The following ACOXL variants were observed in gnomAD, a reference collection of about 807,000 sequenced individuals.
The protein encoded by ACOXL is acyl-CoA oxidase like.
ACOXL carries 70 observed loss-of-function variants against 71.9 expected under a neutral mutation model. The ratio of observed to expected loss-of-function variants is 0.97; its 90% confidence interval spans 0.80 to 1.19. ACOXL has a LOEUF of 1.19. Ranked by LOEUF, ACOXL falls within the 50% of genes most tolerant of loss-of-function variation. The probability of loss-of-function intolerance (pLI) is 0.00; values close to 1 mark genes in which losing one functional copy is unlikely to be tolerated. For missense variants in ACOXL, 703 were observed against 736.3 expected (o/e 0.95, Z 0.52); for synonymous variants, 253 against 281.6 (o/e 0.90, Z 1.02).
chr2:110,844,423 C>T (rs1325447275), intron 10 of ACOXL, among the ~76,000 whole-genome samples: 2 of 152,126 alleles, frequency 1.3e-5, no homozygotes, highest in Non-Finnish European at 2.9e-5. Context: ...TGACACTTCA[C>T]GAGGTGTCTC....
At chr2:110,779,826 C>T (rs1292557544) in intron 2 of ACOXL, among the ~76,000 whole-genome samples, 1 of 152,142 alleles carries the variant, frequency 6.6e-6, no homozygotes, top group African/African-American at 2.4e-5. Context: ...CATTAGATGC[C>T]TAAACAGAGA....
intron 16 of ACOXL, among the ~76,000 whole-genome samples, chr2:111,092,185 G>A (rs2068559287): frequency 1.3e-5 from 2 of 152,130 alleles, no homozygotes; most frequent in Non-Finnish European, 2.9e-5. Flanking sequence ...AGTGGATATG[G>A]GTGATGGAGA....
At chr2:110,963,683 T>C in intron 12 of ACOXL, 1 of 1,614,044 alleles carries the variant, frequency 6.2e-7, no homozygotes, top group Non-Finnish European at 8.5e-7. Context: ...TGTTTGCCAC[T>C]TTTGAAGGTG....
intron 10 of ACOXL, among the ~76,000 whole-genome samples, chr2:110,870,765 A>G (rs995324963): frequency 6.6e-6 from 1 of 152,138 alleles, no homozygotes; most frequent in Non-Finnish European, 1.5e-5. Context: ...TTCCTTTGTA[A>G]TTTCTGATCA....
chr2:110,899,003 T>C (rs2059125358), intron 10 of ACOXL, among the ~76,000 whole-genome samples: 1 of 152,080 alleles, frequency 6.6e-6, no homozygotes, highest in Non-Finnish European at 1.5e-5. Flanking sequence ...CTCAAAAAGT[T>C]GAGAACTTAG....
At chr2:110,853,914 T>G (rs1692924146) in intron 10 of ACOXL, among the ~76,000 whole-genome samples, 1 of 18,388 alleles carries the variant, frequency 5.4e-5, no homozygotes, top group African/African-American at 1.1e-4. Flanking sequence ...AGGACACTTG[T>G]TTTTTTTTTT....
chr2:111,068,049 C>T (rs1372747996), intron 16 of ACOXL, among the ~76,000 whole-genome samples: 1 of 152,076 alleles, frequency 6.6e-6, no homozygotes, highest in East Asian at 1.9e-4. Context: ...TAAAAAATAC[C>T]CCACAAATGG....
At chr2:110,871,610 T>G (rs928280903) in intron 10 of ACOXL, among the ~76,000 whole-genome samples, 3 of 152,170 alleles carry the variant, frequency 2.0e-5, no homozygotes, top group African/African-American at 7.2e-5. Flanking sequence ...CTTACATCAC[T>G]GCTACTAAGG....
At chr2:110,829,930 A>G (rs1435720142) in intron 9 of ACOXL, among the ~76,000 whole-genome samples, 2 of 152,144 alleles carry the variant, frequency 1.3e-5, no homozygotes, top group Admixed American at 1.3e-4. Context: ...CTTGAGCCCT[A>G]CTTTTGAGTG....
chr2:110,808,360 C>T (rs1299553030), intron 9 of ACOXL, among the ~76,000 whole-genome samples: 1 of 152,166 alleles, frequency 6.6e-6, no homozygotes, highest in Non-Finnish European at 1.5e-5. Flanking sequence ...GATTCTGCAG[C>T]TCTGGGGTGG....
At chr2:110,789,948 CA>C (rs1684448772) in intron 3 of ACOXL, among the ~76,000 whole-genome samples, 1 of 152,240 alleles carries the variant, frequency 6.6e-6, no homozygotes, top group Non-Finnish European at 1.5e-5. Flanking sequence ...TCCACTGGGA[CA>C]GGGGCACACT....
chr2:110,909,352 G>C (rs12612914), intron 11 of ACOXL, among the ~76,000 whole-genome samples: 1 of 152,028 alleles, frequency 6.6e-6, no homozygotes, highest in Non-Finnish European at 1.5e-5. Flanking sequence ...TGAATAAAAC[G>C]TGTACCATAA....
intron 2 of ACOXL, among the ~76,000 whole-genome samples, chr2:110,784,454 G>A (rs545615377): frequency 2.0e-5 from 3 of 152,224 alleles, no homozygotes; most frequent in African/African-American, 4.8e-5. Flanking sequence ...GAGGCGAGTC[G>A]GTCGCAGGGT....
intron 2 of ACOXL, among the ~76,000 whole-genome samples, chr2:110,771,921 C>T (rs1681994052): frequency 1.3e-5 from 2 of 152,198 alleles, no homozygotes; most frequent in Admixed American, 1.3e-4. Flanking sequence ...TCTTGTCCTG[C>T]ATGGGGGACA....
intron 15 of ACOXL, among the ~76,000 whole-genome samples, chr2:111,048,647 A>G (rs1237022954): frequency 6.6e-6 from 1 of 152,042 alleles, no homozygotes; most frequent in African/African-American, 2.4e-5. Context: ...TCAATGGATT[A>G]CTAAAACTTT....
intron 2 of ACOXL, among the ~76,000 whole-genome samples, chr2:110,784,281 A>G (rs1224101943): frequency 6.6e-6 from 1 of 152,122 alleles, no homozygotes; most frequent in Non-Finnish European, 1.5e-5. Context: ...GATTGTCAAC[A>G]GAGCTCCAGC....
intron 10 of ACOXL, among the ~76,000 whole-genome samples, chr2:110,868,745 T>C (rs182201178): frequency 6.6e-6 from 1 of 152,248 alleles, no homozygotes; most frequent in Non-Finnish European, 1.5e-5. Flanking sequence ...TGTGCCACCA[T>C]GCCCAGCTAA....
At chr2:110,959,618 A>T (rs959737748) in intron 12 of ACOXL, among the ~76,000 whole-genome samples, 3 of 151,958 alleles carry the variant, frequency 2.0e-5, no homozygotes, top group African/African-American at 7.3e-5. Flanking sequence ...GGCTGATTAG[A>T]AGTTCACCTC....
intron 10 of ACOXL, among the ~76,000 whole-genome samples, chr2:110,866,752 A>G (rs1047695389): frequency 2.0e-5 from 3 of 151,976 alleles, no homozygotes; most frequent in Non-Finnish European, 4.4e-5. Flanking sequence ...CGTTCACGAA[A>G]TCACTCACCA....
Sources: gnomAD v4.1 joint callset for allele counts (sites outside exome capture counted in the v4.1 genomes callset) on GRCh38, gnomAD v4.1.1 for gene constraint, MANE v1.5 for transcripts, NCBI Gene and HGNC (gene_info 2026-07-23, HGNC 2026-07-21) for gene names.